The following MAN1A1 variants were observed in gnomAD, a reference collection of about 807,000 sequenced individuals.
The protein encoded by MAN1A1 is mannosidase alpha class 1A member 1.
Under a neutral mutation model 70.8 loss-of-function variants are expected in MAN1A1, and 29 were observed. The ratio of observed to expected loss-of-function variants is 0.41; its 90% CI spans 0.31 to 0.56. The LOEUF (loss-of-function observed/expected upper bound fraction) is 0.56. MAN1A1 is among the 20% of genes least tolerant of loss of function. MAN1A1 has a pLI of 0.29. For missense variants in MAN1A1, 747 were observed against 841.3 expected, an observed-to-expected ratio of 0.89 and a Z score of 1.39; for synonymous variants, 349 against 330.1, an observed-to-expected ratio of 1.06 and a Z score of -0.62.
intron 6 of MAN1A1, among the ~76,000 whole-genome samples, chr6:119,238,197 T>G (rs562947301): frequency 6.6e-6 from 1 of 152,280 alleles, no homozygotes; most frequent in African/African-American, 2.4e-5. Context: ...GACAAGATAT[T>G]CTATAGTTCT....
intron 6 of MAN1A1, among the ~76,000 whole-genome samples, chr6:119,241,916 GTGTGTGTT>G (rs1304383440): frequency 2.0e-5 from 3 of 150,622 alleles, no homozygotes; most frequent in East Asian, 1.9e-4. Flanking sequence ...GTGTGTGTGT[GTGTGTGTT>G]TGTGTATGTG....
At chr6:119,332,980 A>G (rs1475863769) in intron 2 of MAN1A1, among the ~76,000 whole-genome samples, 1 of 151,872 alleles carries the variant, frequency 6.6e-6, no homozygotes, top group African/African-American at 2.4e-5. Flanking sequence ...AAGACAGGGC[A>G]CTCCAGAGTA....
At chr6:119,302,994 TAC>T (rs1332535141) in intron 3 of MAN1A1, among the ~76,000 whole-genome samples, 6 of 152,120 alleles carry the variant, frequency 3.9e-5, no homozygotes, top group African/African-American at 1.2e-4. Context: ...GTATTAAAAT[TAC>T]ACGTGTGCAT....
At chr6:119,212,814 G>T (rs1774091334) in intron 6 of MAN1A1, among the ~76,000 whole-genome samples, 2 of 152,114 alleles carry the variant, frequency 1.3e-5, no homozygotes, top group African/African-American at 4.8e-5. Flanking sequence ...CTTACTGTAG[G>T]TCTTTTCCGG....
chr6:119,270,946 G>A (rs1775906065), intron 5 of MAN1A1, among the ~76,000 whole-genome samples: 1 of 152,098 alleles, frequency 6.6e-6, no homozygotes, highest in Non-Finnish European at 1.5e-5. Context: ...TGTTTTCCTT[G>A]AACGACTTCT....
chr6:119,312,934 G>A (rs1018949364), intron 2 of MAN1A1, among the ~76,000 whole-genome samples: 8 of 152,156 alleles, frequency 5.3e-5, no homozygotes, highest in African/African-American at 1.9e-4. Context: ...ACAGCACAGT[G>A]AGGAGATCAG....
chr6:119,241,922 G>A (rs1228044592), intron 6 of MAN1A1, among the ~76,000 whole-genome samples: 1 of 143,420 alleles, frequency 7.0e-6, no homozygotes. Context: ...GTGTGTGTGT[G>A]TTTGTGTATG....
intron 5 of MAN1A1, among the ~76,000 whole-genome samples, chr6:119,266,731 A>C (rs991143768): frequency 6.6e-6 from 1 of 152,186 alleles, no homozygotes; most frequent in African/African-American, 2.4e-5. Flanking sequence ...GAAAGAAAAA[A>C]TTTGACAAGC....
In MAN1A1 at chr6:119,243,849, T is replaced by G. The variant is rs567117173; in HGVS notation, c.992+4411A>C. On this transcript the variant is annotated intron_variant, in intron 6 of 12. Coordinates refer to ENST00000368468, the MANE Select transcript of MAN1A1 (RefSeq NM_005907.4). ...TCATCACCTCACTGACTAATGAGAG[T>G]CTGAATGAAGATCAGTCATTTCCTA... Among the ~76,000 whole-genome samples, 11 of 152,016 alleles carry G rather than the reference T, an allele frequency of 7.2e-5. No individual in the cohort carries two copies. In the East Asian group the frequency reaches 2.1e-3, roughly 29 times the overall value.
At chr6:119,349,989 C>T (rs1232501290), upstream of MAN1A1, among the ~76,000 whole-genome samples, 2 of 152,122 alleles carry the variant, frequency 1.3e-5, no homozygotes, top group Non-Finnish European at 2.9e-5. Context: ...GCGGGAGCCG[C>T]GGTGAGGAGG....
Position 119,349,255 on chromosome 6 carries a change from C to G in MAN1A1, c.-190G>C. On this transcript the variant is annotated 5_prime_UTR_variant, in exon 2 of 13. Coordinates refer to ENST00000368468, the MANE Select transcript of MAN1A1 (RefSeq NM_005907.4). ...TCCCCGGGGCGGCTCCTCGGGCACA[C>G]AGGCACGCGCGACAGACCGCTGGCT... 2.5e-6 allele frequency: 3 copies of G among 1,213,388 alleles called. No homozygotes were observed. Among genetic ancestry groups the G allele is most frequent in the Non-Finnish European group, 2.0e-6 (2 of 976,738 alleles). 75.2% of individuals were successfully genotyped at this position (1,213,388 alleles called of 1,614,324 possible).
At chr6:119,186,270 G>A (rs568599760) in intron 11 of MAN1A1, among the ~76,000 whole-genome samples, 1 of 152,108 alleles carries the variant, frequency 6.6e-6, no homozygotes, top group Non-Finnish European at 1.5e-5. Context: ...GGGGAGTCTT[G>A]TCTTTAAGCG....
intron 2 of MAN1A1, among the ~76,000 whole-genome samples, chr6:119,329,785 T>C (rs984872696): frequency 2.6e-5 from 4 of 152,166 alleles, no homozygotes; most frequent in African/African-American, 9.7e-5. Flanking sequence ...GTTACCTTCT[T>C]GAAAGAATAG....
Position 119,277,805 on chromosome 6 carries a change from C to T in MAN1A1, c.897+12878G>A, listed in dbSNP as rs140199681. On this transcript the variant is annotated intron_variant, in intron 5 of 12. Coordinates refer to ENST00000368468, the MANE Select transcript of MAN1A1 (RefSeq NM_005907.4). ...ACAACAAATTAGCCGGGCGTGGTGG[C>T]GGGCGCCTGTAGTCCCAGCTACTCG... Among the ~76,000 whole-genome samples, 893 of 151,342 alleles carry T rather than the reference C, an allele frequency of 5.9e-3. 30 individuals are homozygous for T. In the East Asian group the frequency reaches 0.091, roughly 15 times the overall value.
Position 119,189,653 on chromosome 6 carries a change from C to T in MAN1A1, c.1546+11G>A, listed in dbSNP as rs777341736. The stretch of plus-strand genomic sequence containing the variant: ...GGAATAGACCATAAATGAAGAATAA[C>T]ATGTACTCACATGTTCGATTATATG... On this transcript the variant is annotated intron_variant, in intron 10 of 12. Coordinates refer to ENST00000368468, the MANE Select transcript of MAN1A1 (RefSeq NM_005907.4). 1.9e-6 allele frequency: 3 copies of T among 1,612,260 alleles called. No homozygotes were observed. In the South Asian group the frequency reaches 3.3e-5, roughly 18 times the overall value.
intron 2 of MAN1A1, among the ~76,000 whole-genome samples, chr6:119,323,987 C>G (rs966919284): frequency 1.3e-5 from 2 of 152,170 alleles, no homozygotes; most frequent in African/African-American, 4.8e-5. Context: ...TAGGTAAATT[C>G]CACATAAGCA....
At chr6:119,311,565 AAGAC>A (rs1336524200) in intron 2 of MAN1A1, among the ~76,000 whole-genome samples, 1 of 152,104 alleles carries the variant, frequency 6.6e-6, no homozygotes, top group Non-Finnish European at 1.5e-5. Context: ...ATCTGGGAAA[AAGAC>A]AGGACCACAG....
intron 2 of MAN1A1, among the ~76,000 whole-genome samples, chr6:119,346,940 G>C (rs3778110): frequency 0.1 from 15,889 of 152,196 alleles, 1,193 homozygotes; most frequent in Admixed American, 0.25. Context: ...GTAAGAGGTA[G>C]AGCTTTGTTC....
Position 119,302,070 on chromosome 6 carries a change from A to C in MAN1A1, c.734T>G (p.Leu245Arg), listed in dbSNP as rs1412287912. The change falls in exon 4 of 13, where the codon CTG becomes CGG. Residue 245 changes from leucine to arginine, a missense_variant. Physicochemically the swap from Leu to Arg is moderately radical, Grantham distance 102. This residue lies in a region of MAN1A1 where 419 missense variants were observed against 548.2 expected (regional missense o/e 0.76). Coordinates refer to ENST00000368468, the MANE Select transcript of MAN1A1 (RefSeq NM_005907.4). The part of the protein sequence containing the change: ...NIKGATIVDA[L>R]DTLFIMEMKH... Reference sequence around the variant, plus strand: ...CATTTCCATAATAAAAAGTGTATCCAGGGCATCTACTATAGTTGCTCCTTT... The same window carrying C: ...CATTTCCATAATAAAAAGTGTATCCCGGGCATCTACTATAGTTGCTCCTTT... 1 of 1,608,692 alleles carries C rather than the reference A, an allele frequency of 6.2e-7. No individual in the cohort carries two copies. The highest frequency in any genetic ancestry group is 8.5e-7 in the Non-Finnish European group (1 of 1,175,542).
Sources: gnomAD v4.1 joint callset for allele counts (sites outside exome capture counted in the v4.1 genomes callset) on GRCh38, gnomAD v4.1.1 for gene constraint, gnomAD v4.1.1 regional missense constraint, MANE v1.5 for transcripts, NCBI Gene and HGNC (gene_info 2026-07-23, HGNC 2026-07-21) for gene names.